SDS: variants seen among roughly 807,000 people sequenced by gnomAD.
SDS encodes the protein L-serine dehydratase/L-threonine deaminase.
A neutral mutation model predicts 29.3 loss-of-function variants in SDS; 19 were observed. The observed-to-expected ratio is 0.65, with a 90% CI of 0.45 to 0.95. SDS has a LOEUF of 0.95. SDS is among the 40% of genes least tolerant of loss of function. The pLI, the probability that SDS is intolerant of heterozygous loss-of-function variation, is 0.00. For synonymous variants in SDS, 176 were observed against 189.0 expected, an observed-to-expected ratio of 0.93 and a Z score of 0.56; for missense variants, 375 against 439.9, an observed-to-expected ratio of 0.85 and a Z score of 1.32.
Position 113,398,930 on chromosome 12 carries a change from C to T in SDS, c.194-84G>A, listed in dbSNP as rs1957666855. 3 of 1,529,998 alleles carry T rather than the reference C, an allele frequency of 2.0e-6. No homozygotes were observed. In the East Asian group the frequency reaches 7.3e-5, roughly 37 times the overall value. The allele number at this position is 1,529,998 out of a possible 1,614,324, so 94.8% of individuals were successfully genotyped here. On this transcript the variant is annotated intron_variant, in intron 3 of 7. Transcript: ENST00000257549. ...GACTGCGTACCCTCTACTGGGGGCT[C>T]TGGAGTTCCCCCCTCACCTCCCCAC... is the stretch of plus-strand genomic sequence containing the variant.
chr12:113,395,464 T>C (rs1957638776), intron 6 of SDS, among the ~76,000 whole-genome samples: 1 of 152,218 alleles, frequency 6.6e-6, no homozygotes, highest in Admixed American at 6.5e-5. Context: ...GTGTCTTTTC[T>C]AGCTGCACTT....
rs1339293365 is a variant in SDS, at chr12:113,397,298, A to G, written c.520T>C (p.Cys174Arg). 6.2e-7 allele frequency: 1 copy of G among 1,613,964 alleles called. No homozygotes were observed. Among genetic ancestry groups the G allele is most frequent in the Non-Finnish European group, 8.5e-7 (1 of 1,179,992 alleles). ...TCCTGCAGCCCCTGGACCACTCCAC[A>G]CAGCAGGCCCCCGCCGCCCACTGAC... ...ALSVGGGGLL[C>R]GVVQGLQEVG... The change falls in exon 6 of 8, where the codon TGT becomes CGT. Residue 174 changes from cysteine (C) to arginine (R), a missense_variant. Cys to Arg is a radical substitution (Grantham distance 180). Transcript: ENST00000257549.
At position 113,396,486 on chromosome 12, in the gene SDS, T is replaced by TTTCTTTC. The variant is rs1555207520; in HGVS notation, c.653+678_653+679insGAAAGAA. ...TTCTCCTTTTTTCTTTCTTTCTCTC[T>TTTCTTTC]CTTTCTTTCCTCTTCCTTTCTCCTT... On this transcript the variant is annotated intron_variant, in intron 6 of 7. Transcript: ENST00000257549. Among the ~76,000 whole-genome samples, 91 of 126,680 alleles carry TTTCTTTC rather than the reference T, an allele frequency of 7.2e-4. 6 individuals are homozygous for TTTCTTTC. The highest frequency in any genetic ancestry group is 1.3e-3 in the Non-Finnish European group (81 of 63,028). 83.1% of individuals were successfully genotyped at this position (126,680 alleles called of 152,430 possible).
chr12:113,393,518 C>T (rs575262075), intron 7 of SDS, among the ~76,000 whole-genome samples: 3 of 152,292 alleles, frequency 2.0e-5, no homozygotes, highest in East Asian at 1.9e-4. Context: ...CTGCCCTAGA[C>T]GGAACCCAGA....
At chr12:113,396,795 T>TAA in intron 6 of SDS, 8 of 253,950 alleles carry the variant, frequency 3.2e-5, no homozygotes, top group South Asian at 5.9e-5. Context: ...CCAGTTAATT[T>TAA]AAAAAAAAAA....
chr12:113,398,403 C>T, intron 5 of SDS, 112 bp downstream of exon 5: 1 of 715,054 alleles, frequency 1.4e-6, no homozygotes, highest in Non-Finnish European at 2.4e-6. Flanking sequence ...TGTGCGCACA[C>T]ATGTGCAGCT....
At chr12:113,394,055 G>C (rs1957629781) in intron 6 of SDS, 39 bp from the exon 7 acceptor site, 10 of 1,608,214 alleles carry the variant, frequency 6.2e-6, no homozygotes, top group Non-Finnish European at 8.5e-6. Context: ...TGGGAGTGGG[G>C]GAAACAGGAG....
At chr12:113,401,307 A>G (rs939769455) in intron 1 of SDS, among the ~76,000 whole-genome samples, 2 of 152,238 alleles carry the variant, frequency 1.3e-5, no homozygotes, top group Admixed American at 6.5e-5. Context: ...AGTTAGGAAA[A>G]GCTCTTTCAT....
At chr12:113,397,460 A>C in intron 5 of SDS, 68 bp from the exon 6 acceptor site, 2 of 1,352,662 alleles carry the variant, frequency 1.5e-6, no homozygotes, top group Non-Finnish European at 2.1e-6. Context: ...TCAGGTTTGC[A>C]CCGGCCTTAT....
intron 1 of SDS, among the ~76,000 whole-genome samples, chr12:113,400,245 T>C (rs1957676063): frequency 2.7e-5 from 4 of 150,308 alleles, no homozygotes; most frequent in Admixed American, 2.0e-4. Flanking sequence ...GTGAGCGAGA[T>C]CGCGCCATTG....
At chr12:113,401,685 G>A (rs1051436522) in intron 1 of SDS, among the ~76,000 whole-genome samples, 1 of 152,128 alleles carries the variant, frequency 6.6e-6, no homozygotes, top group South Asian at 2.1e-4. Flanking sequence ...CTCTCTCTGC[G>A]ACCCATGGGT....
Position 113,397,381 on chromosome 12 carries a change from G to A in SDS, c.437C>T (p.Ala146Val), listed in dbSNP as rs1957654365. The A allele has an allele frequency of 6.2e-7, 1 of 1,608,706 alleles. No individual in the cohort carries two copies. Among genetic ancestry groups the A allele is most frequent in the Non-Finnish European group, 8.5e-7 (1 of 1,175,958 alleles). The change falls in exon 6 of 8, where the codon GCT (alanine) becomes GTT (valine). Residue 146 changes from alanine to valine, a missense_variant. Physicochemically the swap from Ala to Val is moderately conservative, Grantham distance 64 (BLOSUM62 0). Coordinates refer to ENST00000257549, the MANE Select transcript of SDS (RefSeq NM_006843.3). ...CTCCTTCAGCTCTTTCACGATGGAA[G>A]CGTGGCCTTCCCTGGAGGGTGGGGA... is the stretch of plus-strand genomic sequence containing the variant. ...FDDPLIWEGH[A>V]SIVKELKETL...
chr12:113,397,081 C>A, intron 6 of SDS, 84 bp downstream of exon 6: 1 of 1,193,386 alleles, frequency 8.4e-7, no homozygotes, highest in Non-Finnish European at 1.2e-6. Flanking sequence ...AACAGGCTGA[C>A]ATCAGGATCT....
At chr12:113,396,779 C>T (rs868503847) in intron 6 of SDS, 25 of 255,256 alleles carry the variant, frequency 9.8e-5, no homozygotes, top group Middle Eastern at 1.5e-3. Context: ...GTGTGTGCTA[C>T]CACGCCCAGT....
Position 113,397,329 on chromosome 12 carries a change from G to A in SDS, c.489C>T (p.Ile163=), listed in dbSNP as rs200189238. The A allele has an allele frequency of 7.3e-5, 118 of 1,613,874 alleles. No homozygotes were observed. The highest frequency in any genetic ancestry group is 1.3e-4 in the African/African-American group (10 of 74,926). The change falls in exon 6 of 8, where the codon ATC becomes ATT. Residue 163 remains isoleucine (I), a synonymous_variant. Coordinates refer to ENST00000257549, the MANE Select transcript of SDS (RefSeq NM_006843.3). ...GGCCCCCGCCGCCCACTGACAGCGC[G>A]ATGGCCCCCGGCTTTTCCCACAGTG... The part of the protein sequence containing the change: ...KETLWEKPGA[I]ALSVGGGGLL...
intron 1 of SDS, among the ~76,000 whole-genome samples, chr12:113,402,808 C>T (rs1279727327): frequency 6.6e-6 from 1 of 152,154 alleles, no homozygotes; most frequent in African/African-American, 2.4e-5. Flanking sequence ...TTAACTGCAT[C>T]CAGCCTGCCC....
At chr12:113,397,087 G>A in intron 6 of SDS, 78 bp downstream of exon 6, 2 of 1,250,310 alleles carry the variant, frequency 1.6e-6, no homozygotes, top group Non-Finnish European at 2.3e-6. Context: ...CTGACATCAG[G>A]ATCTATCTCA....
chr12:113,394,000 C>T lies in SDS; in HGVS notation c.670G>A (p.Gly224Ser), dbSNP rs761326834. 6.8e-6 allele frequency: 11 copies of T among 1,613,944 alleles called. No homozygotes were observed. In the African/African-American group the frequency reaches 1.5e-4, roughly 22 times the overall value. ...GCCTGAGCCCCCACAGTCTTCACGC[C>T]CAGGGCCTTGGCAACACTGAGAGAA... is the stretch of plus-strand genomic sequence containing the variant. ...PKITSVAKAL[G>S]VKTVGAQALK... The change falls in exon 7 of 8, where the codon GGC becomes AGC. Residue 224 changes from glycine to serine, a missense_variant. Gly to Ser is a moderately conservative substitution (Grantham distance 56, BLOSUM62 0). Coordinates refer to ENST00000257549, the MANE Select transcript of SDS (RefSeq NM_006843.3).
At chr12:113,393,294 G>A (rs181619933) in intron 7 of SDS, 145 bp from the exon 8 acceptor site, 7 of 795,962 alleles carry the variant, frequency 8.8e-6, no homozygotes, top group Admixed American at 5.1e-5. Flanking sequence ...CAAACGTCCC[G>A]TCATCGGCCT....
Sources: gnomAD v4.1 joint callset for allele counts (sites outside exome capture counted in the v4.1 genomes callset) on GRCh38, gnomAD v4.1.1 for gene constraint, MANE v1.5 for transcripts, NCBI Gene and HGNC (gene_info 2026-07-23, HGNC 2026-07-21) for gene names.